Variants in PKIG observed in about 807,000 individuals in gnomAD.
PKIG encodes cAMP-dependent protein kinase inhibitor gamma.
A neutral mutation model predicts 6.8 loss-of-function variants in PKIG; 1 was observed. The observed-to-expected ratio is 0.15, with a 90% CI of 0.05 to 0.69. The LOEUF (loss-of-function observed/expected upper bound fraction) is 0.69. Ranked by LOEUF, PKIG falls within the 30% of genes least tolerant of loss-of-function variation. The pLI, the probability that PKIG is intolerant of heterozygous loss-of-function variation, is 0.82. For missense variants in PKIG, 77 were observed against 104.0 expected (o/e 0.74, Z 1.13); for synonymous variants, 39 against 43.0 (o/e 0.91, Z 0.36).
intron 1 of PKIG, among the ~76,000 whole-genome samples, chr20:44,561,551 T>C (rs530443301): frequency 3.9e-5 from 6 of 152,156 alleles, no homozygotes; most frequent in African/African-American, 1.4e-4. Context: ...AAATGTAAAA[T>C]ATAGAAAAGA....
intron 1 of PKIG, among the ~76,000 whole-genome samples, chr20:44,549,036 T>C (rs540281786): frequency 3.9e-5 from 6 of 152,358 alleles, no homozygotes; most frequent in African/African-American, 9.6e-5. Context: ...ATGAGAGTTA[T>C]ATAAACCCAG....
chr20:44,594,602 A>G (rs570345532), intron 2 of PKIG, among the ~76,000 whole-genome samples: 16 of 152,318 alleles, frequency 1.1e-4, no homozygotes, highest in Admixed American at 8.5e-4. Flanking sequence ...GCAGCTAGCA[A>G]TTGGTGGAGC....
At chr20:44,535,861 T>C (rs1411052691) in intron 1 of PKIG, among the ~76,000 whole-genome samples, 2 of 152,246 alleles carry the variant, frequency 1.3e-5, no homozygotes, top group African/African-American at 4.8e-5. Context: ...TTTACAGTTT[T>C]GTAGTATTAA....
At chr20:44,616,991 A>G (rs973422758) in intron 3 of PKIG, among the ~76,000 whole-genome samples, 3 of 152,190 alleles carry the variant, frequency 2.0e-5, no homozygotes, top group Admixed American at 1.3e-4. Context: ...GGAGGAGGTT[A>G]AATTTGGTAG....
At chr20:44,590,682 A>G (rs1322570529) in intron 2 of PKIG, among the ~76,000 whole-genome samples, 1 of 152,182 alleles carries the variant, frequency 6.6e-6, no homozygotes, top group East Asian at 1.9e-4. Context: ...TCAGAATTGA[A>G]GGCTATTCTA....
chr20:44,587,753 C>A (rs866145906), intron 1 of PKIG, among the ~76,000 whole-genome samples: 6 of 152,158 alleles, frequency 3.9e-5, no homozygotes, highest in African/African-American at 1.4e-4. Context: ...CACCCACATA[C>A]CGCTGTATTT....
intron 1 of PKIG, among the ~76,000 whole-genome samples, chr20:44,541,435 T>C (rs2123147654): frequency 6.6e-6 from 1 of 152,182 alleles, no homozygotes; most frequent in East Asian, 1.9e-4. Flanking sequence ...ACTACAGGTG[T>C]GTGCCACCAC....
At chr20:44,617,813 G>T (rs770460429) in intron 3 of PKIG, among the ~76,000 whole-genome samples, 1 of 152,076 alleles carries the variant, frequency 6.6e-6, no homozygotes, top group Non-Finnish European at 1.5e-5. Context: ...GGGAGGCTGA[G>T]GCAGGCAGAT....
At chr20:44,540,703 G>C (rs1008279901) in intron 1 of PKIG, among the ~76,000 whole-genome samples, 2 of 151,842 alleles carry the variant, frequency 1.3e-5, no homozygotes, top group African/African-American at 4.8e-5. Context: ...TCGGCCTCCT[G>C]AGTAGCTGGG....
At chr20:44,558,174 G>A (rs1251085731) in intron 1 of PKIG, among the ~76,000 whole-genome samples, 1 of 152,150 alleles carries the variant, frequency 6.6e-6, no homozygotes, top group African/African-American at 2.4e-5. Flanking sequence ...CTAATATACG[G>A]AGAGGTTGCT....
At chr20:44,544,925 CTTTTTTTTTTTTT>C (rs796482642) in intron 1 of PKIG, among the ~76,000 whole-genome samples, 107 of 64,380 alleles carry the variant, frequency 1.7e-3, no homozygotes, top group African/African-American at 7.6e-3. Flanking sequence ...TTCCTTCTTT[CTTTTTTTTTTTTT>C]TTTTTTTTTT....
rs2065242972 is a variant in PKIG, at chr20:44,614,124, C to T, written c.-23-410C>T. Among the ~76,000 whole-genome samples, 2 of 152,168 alleles carry T rather than the reference C, an allele frequency of 1.3e-5. No individual in the cohort carries two copies. Among genetic ancestry groups the T allele is most frequent in the Admixed American group, 1.3e-4 (2 of 15,284 alleles). On this transcript the variant is annotated intron_variant, in intron 2 of 3. Coordinates refer to ENST00000372886, the MANE Select transcript of PKIG (RefSeq NM_001281445.2). The surrounding 1 kb of genome is among the most constrained non-coding windows in gnomAD (Gnocchi z 4.6). ...ATCACTCCAGCACCCTGCATTCTCC[C>T]TTGAAGCCTTGAGCACCAAGGCCAT...
chr20:44,590,624 TCACC>T (rs1191463323), intron 2 of PKIG, among the ~76,000 whole-genome samples: 1 of 152,232 alleles, frequency 6.6e-6, no homozygotes, highest in Non-Finnish European at 1.5e-5. Context: ...AGAGATCTTT[TCACC>T]CACCAGGCAT....
chr20:44,564,429 T>TG (rs1445388779), intron 1 of PKIG: 1 of 152,196 alleles, frequency 6.6e-6, no homozygotes, highest in Non-Finnish European at 1.5e-5. Context: ...ACTGGCCTCA[T>TG]GACATGTTAT....
chr20:44,551,713 T>G (rs2064670475), intron 1 of PKIG, among the ~76,000 whole-genome samples: 1 of 152,202 alleles, frequency 6.6e-6, no homozygotes. Flanking sequence ...ACTTGACTGG[T>G]CTTCTGCTGA....
At chr20:44,532,956 G>A (rs971060550) in intron 1 of PKIG, among the ~76,000 whole-genome samples, 16 of 152,192 alleles carry the variant, frequency 1.1e-4, no homozygotes, top group Admixed American at 8.5e-4. Context: ...TGAGAGACAA[G>A]CAGGTGCTCC....
At chr20:44,553,939 G>A (rs1208042323) in intron 1 of PKIG, among the ~76,000 whole-genome samples, 3 of 152,116 alleles carry the variant, frequency 2.0e-5, no homozygotes, top group African/African-American at 4.8e-5. Context: ...TCTTGGGGTC[G>A]AGAGAAGAGC....
intron 1 of PKIG, among the ~76,000 whole-genome samples, chr20:44,576,360 G>A (rs2064898268): frequency 6.6e-6 from 1 of 152,058 alleles, no homozygotes; most frequent in African/African-American, 2.4e-5. Flanking sequence ...TATGTTAAGG[G>A]TTATAAGAAG....
chr20:44,600,548 A>G (rs1327800862), intron 2 of PKIG, among the ~76,000 whole-genome samples: 1 of 152,092 alleles, frequency 6.6e-6, no homozygotes, highest in African/African-American at 2.4e-5. Flanking sequence ...TTTTGCAGGT[A>G]GAAACAAAAG....
Sources: allele counts gnomAD v4.1 joint callset (sites outside exome capture counted in the v4.1 genomes callset), GRCh38; gene constraint gnomAD v4.1.1; non-coding constraint Gnocchi (gnomAD v3.1); transcripts MANE v1.5; gene names NCBI Gene and HGNC (gene_info 2026-07-23, HGNC 2026-07-21).